The following PGAP2 variants were observed in gnomAD, a reference collection of about 807,000 sequenced individuals.
PGAP2 encodes the protein post-GPI attachment to proteins 2, also known as acyltransferase PGAP2.
In PGAP2, 21 loss-of-function variants were observed where a neutral mutation model predicts 33.2. The observed-to-expected ratio is 0.63, with a 90% CI of 0.45 to 0.91. The LOEUF (loss-of-function observed/expected upper bound fraction) is 0.91, where lower values mean the gene tolerates loss of function less well. Ranked by LOEUF, PGAP2 falls within the 40% of genes least tolerant of loss-of-function variation. The pLI, the probability that PGAP2 is intolerant of heterozygous loss-of-function variation, is 0.00. For synonymous variants in PGAP2, 161 were observed against 172.9 expected (o/e 0.93, Z 0.54); for missense variants, 345 against 424.0 (o/e 0.81, Z 1.64).
intron 2 of PGAP2, among the ~76,000 whole-genome samples, chr11:3,815,718 T>C (rs1416787149): frequency 6.6e-6 from 1 of 152,234 alleles, no homozygotes. Flanking sequence ...CTATTCATTC[T>C]TATTCCTGGC....
intron 2 of PGAP2, among the ~76,000 whole-genome samples, chr11:3,815,236 T>C (rs939993557): frequency 3.3e-5 from 5 of 152,152 alleles, no homozygotes; most frequent in Admixed American, 6.5e-5. Context: ...GTAGAACTAT[T>C]CTCTCCTCGT....
rs765643781 is a variant in PGAP2 at position 3,825,485 on chromosome 11, C to A, written c.*27C>A. ...CCCTTCAGTCCTGCTTGGGAGGACG[C>A]AGCCCACTGCCCAGAAACAAGAAAC... On this transcript the variant is annotated 3_prime_UTR_variant, in exon 7 of 7. Coordinates refer to ENST00000278243, the MANE Select transcript of PGAP2 (RefSeq NM_014489.4). 4 of 1,605,832 alleles carry A rather than the reference C, an allele frequency of 2.5e-6. No homozygotes were observed. The highest frequency in any genetic ancestry group is 2.5e-6 in the Non-Finnish European group (3 of 1,176,512).
At chr11:3,797,809 G>T (rs1554909745), upstream of PGAP2, 3 of 1,546,244 alleles carry the variant, frequency 1.9e-6, no homozygotes, top group South Asian at 3.6e-5. Context: ...AGCGTGTCGT[G>T]ACGTCACACA....
intron 6 of PGAP2, 97 bp from the exon 7 acceptor site, chr11:3,825,231 T>C: frequency 6.4e-7 from 1 of 1,554,008 alleles, no homozygotes; most frequent in Non-Finnish European, 8.9e-7. Context: ...GCCATTGTGT[T>C]CTCTGTGGCA....
chr11:3,824,386 A>C lies in PGAP2; in HGVS notation c.708+10A>C. The C allele has an allele frequency of 6.2e-7, 1 of 1,614,196 alleles. No individual in the cohort carries two copies. The highest frequency in any genetic ancestry group is 8.5e-7 in the Non-Finnish European group (1 of 1,180,028). ...CACAGTAAGTCAGGAGGTACGGTCTATCCCTAGCGGGGGCTCCAAGGCAGC... is the reference window on the plus strand; with the variant it reads ...CACAGTAAGTCAGGAGGTACGGTCTCTCCCTAGCGGGGGCTCCAAGGCAGC... On this transcript the variant is annotated intron_variant, in intron 5 of 6. Coordinates refer to ENST00000278243, the MANE Select transcript of PGAP2 (RefSeq NM_014489.4).
chr11:3,804,177 C>G (rs114608439), upstream of PGAP2, among the ~76,000 whole-genome samples: 680 of 152,176 alleles, frequency 4.5e-3, 13 homozygotes, highest in African/African-American at 0.016. Context: ...TTACCACATG[C>G]ATTCTTAACT....
intron 3 of PGAP2, 149 bp from the exon 4 acceptor site, chr11:3,823,734 G>A (rs756109274): frequency 1.9e-6 from 3 of 1,598,216 alleles, no homozygotes; most frequent in African/African-American, 1.3e-5. Context: ...GAGGTCTTTT[G>A]GGAGAGGTAT....
intron 3 of PGAP2, 36 bp from the exon 4 acceptor site, chr11:3,823,847 C>G (rs1222156650): frequency 1.3e-6 from 2 of 1,596,974 alleles, no homozygotes; most frequent in South Asian, 1.1e-5. Flanking sequence ...GCGGGGCTGG[C>G]AGAGGCAGAT....
In PGAP2 at chr11:3,811,319, C is replaced by A. The variant is rs1180798184; in HGVS notation, c.60C>A (p.Thr20=). ...RDGTLVRLRF[T]MVALVTVCCP... is the part of the protein sequence containing the mutation. Reference sequence around the variant, plus strand: ...GGACCCTGGTACGGCTCCGCTTCACCATGGTGGCCCTGGTCACGGTCTGCT... The same window carrying A: ...GGACCCTGGTACGGCTCCGCTTCACAATGGTGGCCCTGGTCACGGTCTGCT... Residue 20 remains threonine (T), a synonymous_variant, in exon 2 of 7, where the codon ACC becomes ACA. Coordinates refer to ENST00000278243, the MANE Select transcript of PGAP2 (RefSeq NM_014489.4). This position sits in a 1 kb window ranked among gnomAD's most constrained non-coding sequence, Gnocchi z 4.6. The A allele has an allele frequency of 5.6e-6, 9 of 1,613,978 alleles. No individual in the cohort carries two copies. The highest frequency in any genetic ancestry group is 7.6e-6 in the Non-Finnish European group (9 of 1,179,972).
At chr11:3,803,845 C>T (rs1300142194), upstream of PGAP2, among the ~76,000 whole-genome samples, 2 of 151,118 alleles carry the variant, frequency 1.3e-5, no homozygotes, top group African/African-American at 4.9e-5. Context: ...GGCTGGAGTG[C>T]AGTGGTGCGA....
chr11:3,813,841 T>C (rs2086146831), intron 2 of PGAP2, among the ~76,000 whole-genome samples: 1 of 152,228 alleles, frequency 6.6e-6, no homozygotes, highest in Non-Finnish European at 1.5e-5. Context: ...CCCTTATGGC[T>C]GACCCCAAGG....
At position 3,824,107 on chromosome 11, in the gene PGAP2, C is replaced by T. The variant is rs775537512; in HGVS notation, c.573C>T (p.Leu191=). Residue 191 remains leucine, a synonymous_variant, in exon 4 of 7, where the codon CTC becomes CTT. Transcript: ENST00000278243. ...NVVENLALLV[L]TYVSSSEDFT... ...TGGAGAACCTCGCGTTGCTAGTGCT[C>T]ACTTATGTCTCCTCCTCCGAGGACT... The T allele has an allele frequency of 3.7e-6, 6 of 1,614,038 alleles. No homozygotes were observed. The African/African-American group carries it at 8.0e-5, about 22-fold the overall frequency.
chr11:3,802,688 A>T (rs1352789284), intron 1 of PGAP2, among the ~76,000 whole-genome samples: 2 of 152,240 alleles, frequency 1.3e-5, no homozygotes, highest in African/African-American at 4.8e-5. Flanking sequence ...TTTCCAGAGA[A>T]GCAGCAGAAT....
intron 1 of PGAP2, among the ~76,000 whole-genome samples, chr11:3,801,316 G>A (rs2083409114): frequency 6.6e-6 from 1 of 151,890 alleles, no homozygotes; most frequent in East Asian, 1.9e-4. Flanking sequence ...GCACAGATAA[G>A]GCCTCAATAA....
At chr11:3,805,597 G>T (rs901131610), upstream of PGAP2, among the ~76,000 whole-genome samples, 1 of 148,190 alleles carries the variant, frequency 6.7e-6, no homozygotes, top group South Asian at 2.2e-4. Context: ...GGCTGGGCAC[G>T]GTGGCTCATG....
chr11:3,798,793 G>C (rs2082997682), intron 1 of PGAP2, among the ~76,000 whole-genome samples: 1 of 151,300 alleles, frequency 6.6e-6, no homozygotes, highest in South Asian at 2.1e-4. Context: ...ACAGGCACTC[G>C]CCGCCGCGCC....
In PGAP2 at chr11:3,824,220, G is replaced by A. The variant is rs201776242; in HGVS notation, c.602-50G>A. On this transcript the variant is annotated intron_variant, in intron 4 of 6. Coordinates refer to ENST00000278243, the MANE Select transcript of PGAP2 (RefSeq NM_014489.4). ...TACCACATTCGGACCTTCCTACTTC[G>A]TGGTGTGGGCACTCCCTGCAATGTG... 28 of 1,612,622 alleles carry A rather than the reference G, an allele frequency of 1.7e-5. No individual in the cohort carries two copies. In the African/African-American group the frequency reaches 2.7e-4, roughly 15 times the overall value.
chr11:3,825,398 G>T lies in PGAP2; in HGVS notation c.888G>T (p.Trp296Cys). ...LTNMAFHMTA[W>C]WDFGNKELLI... ...ACATGGCGTTCCACATGACGGCCTGGTGGGACTTCGGGAACAAGGAGCTGC... is the reference window on the plus strand; with the variant it reads ...ACATGGCGTTCCACATGACGGCCTGTTGGGACTTCGGGAACAAGGAGCTGC... Residue 296 changes from tryptophan (W) to cysteine (C), a missense_variant, in exon 7 of 7, where the codon TGG becomes TGT. Physicochemically the swap from Trp to Cys is radical, Grantham distance 215. Around this residue, in one of 2 missense-constraint regions of PGAP2, gnomAD observed 311 missense variants for 353.6 expected, o/e 0.88. Transcript: ENST00000278243. The T allele has an allele frequency of 6.2e-7, 1 of 1,613,998 alleles. No individual in the cohort carries two copies. Among genetic ancestry groups the T allele is most frequent in the Non-Finnish European group, 8.5e-7 (1 of 1,180,010 alleles).
intron 1 of PGAP2, chr11:3,798,204 G>C: frequency 8.3e-7 from 1 of 1,201,190 alleles, no homozygotes; most frequent in Non-Finnish European, 1.1e-6. Flanking sequence ...TTCCCTCCCT[G>C]AATTTCTAGG....
Sources: allele counts gnomAD v4.1 joint callset (sites outside exome capture counted in the v4.1 genomes callset), GRCh38; gene constraint gnomAD v4.1.1; regional missense constraint gnomAD v4.1.1; non-coding constraint Gnocchi (gnomAD v3.1); transcripts MANE v1.5; gene names NCBI Gene and HGNC (gene_info 2026-07-23, HGNC 2026-07-21).